The following ZNF106 variants were observed in gnomAD, a reference collection of about 807,000 sequenced individuals.
The protein encoded by ZNF106 is SH3-domain binding protein 3.
Under a neutral mutation model 195.1 loss-of-function variants are expected in ZNF106, and 67 were observed. That is an observed-to-expected ratio of 0.34 (90% CI 0.28 to 0.42). The LOEUF is 0.42. ZNF106 is among the 10% of genes least tolerant of loss of function. The probability of loss-of-function intolerance (pLI) is 1.00; values close to 1 mark genes in which losing one functional copy is unlikely to be tolerated. For synonymous variants in ZNF106, 784 were observed against 818.6 expected (o/e 0.96, Z 0.72); for missense variants, 2,118 against 2,304.5 (o/e 0.92, Z 1.66).
intron 14 of ZNF106, among the ~76,000 whole-genome samples, chr15:42,429,034 T>A (rs1389366986): frequency 6.6e-6 from 1 of 151,394 alleles, no homozygotes; most frequent in East Asian, 2.0e-4. Context: ...CTTACATGCA[T>A]GAGCCACTGT....
chr15:42,453,807 G>T (rs1394747824), intron 4 of ZNF106, among the ~76,000 whole-genome samples: 1 of 152,104 alleles, frequency 6.6e-6, no homozygotes, highest in East Asian at 1.9e-4. Context: ...TGTTGGCCAG[G>T]CTGGTCTTGA....
In ZNF106 at chr15:42,450,062, G is replaced by A. The variant is rs774532935; in HGVS notation, c.2210C>T (p.Pro737Leu). The change falls in exon 5 of 22, where the codon CCT becomes CTT. Residue 737 changes from proline (P) to leucine (L), a missense_variant. Pro to Leu is a moderately conservative substitution (Grantham distance 98, BLOSUM62 -3). Coordinates refer to ENST00000564754, the MANE Select transcript of ZNF106 (RefSeq NM_001366845.3). The part of the protein sequence containing the change: ...QKSDISQPSG[P>L]LLPELSKLGF... ...AAGCTTACTTAGTTCAGGCAGGAGA[G>A]GGCCCGAGGGCTGACTGATGTCACT... 1.9e-6 allele frequency: 3 copies of A among 1,614,078 alleles called. No individual in the cohort carries two copies. The highest frequency in any genetic ancestry group is 1.3e-5 in the African/African-American group (1 of 74,926).
At chr15:42,486,402 G>A (rs575691853) in intron 1 of ZNF106, among the ~76,000 whole-genome samples, 1 of 152,184 alleles carries the variant, frequency 6.6e-6, no homozygotes, top group South Asian at 2.1e-4. Flanking sequence ...TGGGATTACA[G>A]GTATACGCTA....
chr15:42,441,948 C>T (rs1350459937), intron 10 of ZNF106, 125 bp downstream of exon 10: 3 of 657,850 alleles, frequency 4.6e-6, no homozygotes, highest in African/African-American at 3.6e-5. Context: ...AAGAGAATTC[C>T]AGTGACAAAT....
At chr15:42,437,552 A>C (rs953155975) in intron 12 of ZNF106, among the ~76,000 whole-genome samples, 175 bp from the exon 13 acceptor site, 2 of 152,206 alleles carry the variant, frequency 1.3e-5, no homozygotes, top group South Asian at 2.1e-4. Flanking sequence ...CACTATGAAG[A>C]CTGCATGATA....
Position 42,428,150 on chromosome 15 carries a change from A to G in ZNF106, c.4882-16T>C, listed in dbSNP as rs202173465. 6.2e-7 allele frequency: 1 copy of G among 1,606,474 alleles called. No individual in the cohort carries two copies. Among genetic ancestry groups the G allele is most frequent in the Non-Finnish European group, 8.5e-7 (1 of 1,173,290 alleles). On this transcript the variant is annotated splice_polypyrimidine_tract_variant and intron_variant, in intron 14 of 21. Transcript: ENST00000564754. ...ACTCTCGGCTCTGATAAAAGCACAC[A>G]ACCTTTAATCAGCAGAGGGTACTGG...
intron 4 of ZNF106, among the ~76,000 whole-genome samples, chr15:42,453,316 G>A (rs1327069081): frequency 6.6e-6 from 1 of 152,080 alleles, no homozygotes; most frequent in African/African-American, 2.4e-5. Context: ...ATGAGCCAGA[G>A]GTTTTTAAAA....
intron 4 of ZNF106, among the ~76,000 whole-genome samples, chr15:42,456,185 C>T (rs1361367786): frequency 3.9e-5 from 6 of 152,070 alleles, no homozygotes; most frequent in Non-Finnish European, 5.9e-5. Context: ...AAATATTTTC[C>T]TAAGAAATGT....
chr15:42,451,744 A>G lies in ZNF106; in HGVS notation c.528T>C (p.Asn176=). The change falls in exon 5 of 22, where the codon AAT becomes AAC. Residue 176 remains asparagine (N), a synonymous_variant. Coordinates refer to ENST00000564754, the MANE Select transcript of ZNF106 (RefSeq NM_001366845.3). Reference sequence around the variant, plus strand: ...CGGAACGTCCTCTTGGTCCACCACCATTCCTCAAAGAATGTGGAAAGCTGT... The same window carrying G: ...CGGAACGTCCTCTTGGTCCACCACCGTTCCTCAAAGAATGTGGAAAGCTGT... ...RKNSFPHSLR[N]GGGPRGRSGW... 6.2e-7 allele frequency: 1 copy of G among 1,614,258 alleles called. No homozygotes were observed. Among genetic ancestry groups the G allele is most frequent in the South Asian group, 1.1e-5 (1 of 91,088 alleles).
At chr15:42,435,552 T>C (rs1449093309) in intron 13 of ZNF106, 34 bp from the exon 14 acceptor site, 1 of 1,612,908 alleles carries the variant, frequency 6.2e-7, no homozygotes, top group Non-Finnish European at 8.5e-7. Flanking sequence ...TTATTACTTA[T>C]GAGATATAGG....
Position 42,451,321 on chromosome 15 carries a change from A to G in ZNF106, c.951T>C (p.Tyr317=), listed in dbSNP as rs200439409. Reference sequence around the variant, plus strand: ...TTGTAAATCCTTCAGAAGGACCTCTATATGTGGCAACTGTACCAAGTTTGT... The same window carrying G: ...TTGTAAATCCTTCAGAAGGACCTCTGTATGTGGCAACTGTACCAAGTTTGT... The part of the protein sequence containing the change: ...ENDKLGTVAT[Y]RGPSEGFTSD... The change falls in exon 5 of 22, where the codon TAT becomes TAC. Residue 317 remains tyrosine (Y), a synonymous_variant. Coordinates refer to ENST00000564754, the MANE Select transcript of ZNF106 (RefSeq NM_001366845.3). The G allele has an allele frequency of 3.6e-5, 58 of 1,614,068 alleles. No homozygotes were observed. The East Asian group carries it at 6.7e-4, about 19-fold the overall frequency.
In ZNF106 at chr15:42,418,532, A is replaced by ATTTTTTTTTTTTTTT. The variant is rs1162999546; in HGVS notation, c.5518-596_5518-582dup. ...AGGCGTGCACCACCACGGCCAGTTAATTTTTTTTTTTTTTTTTTTTTTTTT... is the reference window on the plus strand; with the variant it reads ...AGGCGTGCACCACCACGGCCAGTTAATTTTTTTTTTTTTTTTTTTTTTTTTTTTTTTTTTTTTTTT... On this transcript the variant is annotated intron_variant, in intron 20 of 21. Coordinates refer to ENST00000564754, the MANE Select transcript of ZNF106 (RefSeq NM_001366845.3). 2.0e-4 allele frequency among the ~76,000 whole-genome samples: 19 copies of ATTTTTTTTTTTTTTT among 96,246 alleles called. 2 individuals are homozygous for ATTTTTTTTTTTTTTT. The highest frequency in any genetic ancestry group is 3.0e-4 in the African/African-American group (7 of 23,454). 63.1% of individuals were successfully genotyped at this position (96,246 alleles called of 152,430 possible).
At chr15:42,489,962 C>T (rs1222138841) in intron 1 of ZNF106, among the ~76,000 whole-genome samples, 2 of 152,194 alleles carry the variant, frequency 1.3e-5, no homozygotes, top group Non-Finnish European at 2.9e-5. Flanking sequence ...TCTCTTGAAA[C>T]TGGAAGGCGG....
chr15:42,487,340 T>C (rs1228736916), intron 1 of ZNF106, among the ~76,000 whole-genome samples: 2 of 151,432 alleles, frequency 1.3e-5, no homozygotes, highest in Non-Finnish European at 2.9e-5. Context: ...ATTTATTAAT[T>C]AGCTGGGCAT....
Position 42,437,314 on chromosome 15 carries a change from G to A in ZNF106, c.4664C>T (p.Ala1555Val), listed in dbSNP as rs368305145. Residue 1555 changes from alanine to valine, a missense_variant, in exon 13 of 22, where the codon GCT becomes GTT. By Grantham distance (64) the Ala-to-Val change is moderately conservative. Transcript: ENST00000564754. Reference protein sequence around the residue: ...PTEGSFEGHQAAVNAIQIFGN... With the variant: ...PTEGSFEGHQVAVNAIQIFGN... The stretch of plus-strand genomic sequence containing the variant: ...AAATATCTGAATTGCATTTACGGCA[G>A]CTTGGTGTCCCTCAAAGCTTCCTTC... 5.6e-5 allele frequency: 90 copies of A among 1,614,028 alleles called. No homozygotes were observed. Among genetic ancestry groups the A allele is most frequent in the Non-Finnish European group, 7.2e-5 (85 of 1,180,014 alleles).
chr15:42,477,900 AAAAAAAAACAAAC>A (rs1226006893), intron 1 of ZNF106, among the ~76,000 whole-genome samples: 1 of 142,548 alleles, frequency 7.0e-6, no homozygotes, highest in African/African-American at 2.9e-5. Flanking sequence ...CAAAAAAAAC[AAAAAAAAACAAAC>A]AAAAAAAACT....
intron 3 of ZNF106, among the ~76,000 whole-genome samples, chr15:42,460,635 C>T (rs1452953903): frequency 1.3e-5 from 2 of 152,258 alleles, no homozygotes; most frequent in East Asian, 1.9e-4. Flanking sequence ...CCGAGGCAGG[C>T]AGATCACCTG....
chr15:42,478,507 TTTTTC>T (rs1236209417), intron 1 of ZNF106, among the ~76,000 whole-genome samples: 2 of 112,020 alleles, frequency 1.8e-5, no homozygotes, highest in African/African-American at 7.3e-5. Context: ...AGATGTCCTC[TTTTTC>T]TTTTTTTTTT....
chr15:42,448,633 C>A lies in ZNF106; in HGVS notation c.2574G>T (p.Leu858=). The part of the protein sequence containing the change: ...EALDLDGEPD[L]SSLEGFQWEG... ...CCCACTGGAATCCTTCTAGACTGGA[C>A]AGATCAGGTTCCCCATCCAAATCTA... Residue 858 remains leucine, a synonymous_variant, in exon 6 of 22, where the codon CTG becomes CTT. Transcript: ENST00000564754. 1.2e-6 allele frequency: 2 copies of A among 1,613,758 alleles called. No homozygotes were observed. Among genetic ancestry groups the A allele is most frequent in the South Asian group, 1.1e-5 (1 of 91,086 alleles).
Sources: gnomAD v4.1 joint callset for allele counts (sites outside exome capture counted in the v4.1 genomes callset) on GRCh38, gnomAD v4.1.1 for gene constraint, MANE v1.5 for transcripts, NCBI Gene and HGNC (gene_info 2026-07-23, HGNC 2026-07-21) for gene names.